The following CA10 variants were observed in gnomAD, a reference collection of about 807,000 sequenced individuals.
The protein encoded by CA10 is carbonic anhydrase-related protein 10.
In CA10, 14 loss-of-function variants were observed where a neutral mutation model predicts 44.2. The ratio of observed to expected loss-of-function variants is 0.32; its 90% CI spans 0.21 to 0.50. The LOEUF (loss-of-function observed/expected upper bound fraction) is 0.50, where lower values mean the gene tolerates loss of function less well. CA10 is among the 20% of genes least tolerant of loss of function. CA10 has a pLI of 0.99. For missense variants in CA10, 350 were observed against 409.7 expected, an observed-to-expected ratio of 0.85 and a Z score of 1.26; for synonymous variants, 159 against 141.6, an observed-to-expected ratio of 1.12 and a Z score of -0.87.
At position 51,788,397 on chromosome 17, in the gene CA10, G is replaced by T. The variant is rs367732382; in HGVS notation, c.280-40579C>A. Among the ~76,000 whole-genome samples, 8 of 152,272 alleles carry T rather than the reference G, an allele frequency of 5.3e-5. No homozygotes were observed. In the East Asian group the frequency reaches 1.5e-3, roughly 29 times the overall value. On this transcript the variant is annotated intron_variant, in intron 3 of 8. Coordinates refer to ENST00000451037, the MANE Select transcript of CA10 (RefSeq NM_020178.5). ...GTCTACCATTGACAATGGTCCAAGTGCTGAGGAAACAAATGTGTATTCTGC... is the reference window on the plus strand; with the variant it reads ...GTCTACCATTGACAATGGTCCAAGTTCTGAGGAAACAAATGTGTATTCTGC...
intron 5 of CA10, among the ~76,000 whole-genome samples, chr17:51,650,861 G>T (rs983123174): frequency 4.6e-5 from 7 of 152,196 alleles, no homozygotes; most frequent in Admixed American, 1.3e-4. Context: ...AGTGCACACA[G>T]ATGATTTGTG....
At position 52,091,258 on chromosome 17, in the gene CA10, CT is replaced by C. The variant is rs1358604026; in HGVS notation, c.62-18866del. On this transcript the variant is annotated intron_variant, in intron 1 of 8. Coordinates refer to ENST00000451037, the MANE Select transcript of CA10 (RefSeq NM_020178.5). ...TAATTTTCTAACCACTATTTTCCAACTTTTTGTAATGTGTATTTTTTATGAT... is the reference window on the plus strand; with the variant it reads ...TAATTTTCTAACCACTATTTTCCAACTTTTGTAATGTGTATTTTTTATGAT... Among the ~76,000 whole-genome samples, 4 of 152,136 alleles carry C rather than the reference CT, an allele frequency of 2.6e-5. No homozygotes were observed. The East Asian group carries it at 7.7e-4, about 29-fold the overall frequency.
chr17:52,007,736 T>A (rs1209968219), intron 2 of CA10, among the ~76,000 whole-genome samples: 1 of 151,464 alleles, frequency 6.6e-6, no homozygotes, highest in East Asian at 1.9e-4. Flanking sequence ...ATGTTAAGAC[T>A]ATATTAGCCT....
At chr17:51,705,748 CT>C (rs931308315) in intron 4 of CA10, among the ~76,000 whole-genome samples, 1 of 152,144 alleles carries the variant, frequency 6.6e-6, no homozygotes, top group African/African-American at 2.4e-5. Context: ...GGGGAGGACC[CT>C]TTTGAACCAA....
chr17:51,932,005 T>C (rs576620513), intron 2 of CA10, among the ~76,000 whole-genome samples: 1 of 152,170 alleles, frequency 6.6e-6, no homozygotes, highest in East Asian at 1.9e-4. Flanking sequence ...TGGATCCATG[T>C]GTCCTTCAGA....
At chr17:51,715,215 G>T (rs1916062729) in intron 4 of CA10, among the ~76,000 whole-genome samples, 1 of 152,074 alleles carries the variant, frequency 6.6e-6, no homozygotes, top group Non-Finnish European at 1.5e-5. Context: ...AGGGACTGTT[G>T]TGGGGTGGGG....
intron 4 of CA10, among the ~76,000 whole-genome samples, chr17:51,735,853 G>C (rs1598017664): frequency 6.6e-6 from 1 of 151,564 alleles, no homozygotes; most frequent in Non-Finnish European, 1.5e-5. Context: ...ACTATATACT[G>C]TATAAGTCCA....
chr17:51,965,433 G>T, intron 2 of CA10, among the ~76,000 whole-genome samples: 1 of 151,540 alleles, frequency 6.6e-6, no homozygotes, highest in East Asian at 1.9e-4. Flanking sequence ...AAAAAAACCT[G>T]CAGGCCATAG....
chr17:52,003,699 G>A (rs1314130937), intron 2 of CA10, among the ~76,000 whole-genome samples: 1 of 151,824 alleles, frequency 6.6e-6, no homozygotes, highest in African/African-American at 2.4e-5. Flanking sequence ...ACTCAGGTAG[G>A]AAACAAAAGT....
chr17:51,794,110 T>C (rs977007647), intron 3 of CA10, among the ~76,000 whole-genome samples: 3 of 152,238 alleles, frequency 2.0e-5, no homozygotes, highest in African/African-American at 4.8e-5. Context: ...AGGGTTTTCG[T>C]TGGGTCTCGA....
At chr17:51,789,963 C>G (rs891270587) in intron 3 of CA10, among the ~76,000 whole-genome samples, 3 of 152,172 alleles carry the variant, frequency 2.0e-5, no homozygotes, top group Admixed American at 1.3e-4. Context: ...ATCCCATTAC[C>G]CTAAGGGCCC....
chr17:52,086,459 T>G (rs1419919427), intron 1 of CA10, among the ~76,000 whole-genome samples: 2 of 152,334 alleles, frequency 1.3e-5, no homozygotes, highest in East Asian at 3.9e-4. Context: ...AAAAGTTGTT[T>G]TCCTGGCTTA....
intron 3 of CA10, among the ~76,000 whole-genome samples, chr17:51,858,950 T>C (rs1418221056): frequency 1.3e-5 from 2 of 151,948 alleles, no homozygotes; most frequent in Non-Finnish European, 1.5e-5. Flanking sequence ...GGTGTTCCCA[T>C]TTGCAAAATG....
chr17:52,010,048 C>T (rs1463202330), intron 2 of CA10, among the ~76,000 whole-genome samples: 2 of 151,812 alleles, frequency 1.3e-5, no homozygotes, highest in African/African-American at 2.4e-5. Context: ...AACCACAATG[C>T]AATACCACCC....
At chr17:51,899,118 C>T (rs1981201137) in intron 3 of CA10, among the ~76,000 whole-genome samples, 1 of 151,666 alleles carries the variant, frequency 6.6e-6, no homozygotes, top group Non-Finnish European at 1.5e-5. Flanking sequence ...TTTCTTGTTC[C>T]TCTAGTTGAG....
At chr17:51,813,382 C>T (rs987217000) in intron 3 of CA10, among the ~76,000 whole-genome samples, 7 of 152,220 alleles carry the variant, frequency 4.6e-5, no homozygotes, top group African/African-American at 7.2e-5. Context: ...TTCCATCAGG[C>T]GCTGGCCTGC....
At chr17:51,868,928 C>A (rs1979680003) in intron 3 of CA10, among the ~76,000 whole-genome samples, 1 of 150,300 alleles carries the variant, frequency 6.7e-6, no homozygotes, top group South Asian at 2.1e-4. Flanking sequence ...TAAAAGGTGA[C>A]ATGCACACAC....
intron 2 of CA10, among the ~76,000 whole-genome samples, chr17:51,941,208 A>G (rs1983064934): frequency 1.3e-5 from 2 of 152,120 alleles, no homozygotes; most frequent in Non-Finnish European, 2.9e-5. Flanking sequence ...CCTCAGACCT[A>G]GCACAGAATT....
chr17:51,988,801 T>G (rs904666722), intron 2 of CA10, among the ~76,000 whole-genome samples: 7 of 152,154 alleles, frequency 4.6e-5, no homozygotes, highest in Admixed American at 3.9e-4. Flanking sequence ...AATTTTAAAT[T>G]TTCTAGTATG....
Sources: allele counts gnomAD v4.1 joint callset (sites outside exome capture counted in the v4.1 genomes callset), GRCh38; gene constraint gnomAD v4.1.1; transcripts MANE v1.5; gene names NCBI Gene and HGNC (gene_info 2026-07-23, HGNC 2026-07-21).